DOCK3: variants seen among roughly 807,000 people sequenced by gnomAD.
DOCK3 encodes dedicator of cytokinesis 3, also known as dedicator of cytokinesis protein 3.
DOCK3 carries 60 observed loss-of-function variants against 265.6 expected under a neutral mutation model. The ratio of observed to expected loss-of-function variants is 0.23; its 90% CI spans 0.18 to 0.28. The LOEUF is 0.28. DOCK3 is among the 10% of genes least tolerant of loss of function. The pLI is 1.00. For synonymous variants in DOCK3, 881 were observed against 938.0 expected, an observed-to-expected ratio of 0.94 and a Z score of 1.11; for missense variants, 1,981 against 2,594.3, an observed-to-expected ratio of 0.76 and a Z score of 5.14.
chr3:51,380,951 T>G, intron 52 of DOCK3, 99 bp from the exon 53 acceptor site: 1 of 1,428,334 alleles, frequency 7.0e-7, no homozygotes, highest in Non-Finnish European at 9.4e-7. Context: ...TTGATGAGGG[T>G]TAAAGTTCAT....
intron 13 of DOCK3, 119 bp downstream of exon 13, chr3:51,208,981 C>A: frequency 2.4e-6 from 2 of 822,314 alleles, no homozygotes; most frequent in Non-Finnish European, 3.7e-6. Context: ...TATTCTCCTG[C>A]CGAGGCATTT....
chr3:50,850,334 TG>T (rs2046300992), intron 3 of DOCK3, among the ~76,000 whole-genome samples: 2 of 149,532 alleles, frequency 1.3e-5, no homozygotes, highest in Admixed American at 6.9e-5. Context: ...CACTCCAGCC[TG>T]GGAGACAGAG....
chr3:50,760,133 T>C (rs2040436261), intron 1 of DOCK3, among the ~76,000 whole-genome samples: 1 of 152,160 alleles, frequency 6.6e-6, no homozygotes, highest in Non-Finnish European at 1.5e-5. Flanking sequence ...AGTTATAGCT[T>C]TTACTTTTAA....
chr3:50,836,967 C>T (rs900378337), intron 2 of DOCK3, among the ~76,000 whole-genome samples: 1 of 152,144 alleles, frequency 6.6e-6, no homozygotes, highest in African/African-American at 2.4e-5. Context: ...ATTCCAATTC[C>T]CAACAAGTTC....
chr3:51,336,019 A>T (rs1024315729), intron 35 of DOCK3, among the ~76,000 whole-genome samples: 3 of 152,152 alleles, frequency 2.0e-5, no homozygotes, highest in African/African-American at 7.2e-5. Context: ...AAAGAAAAGA[A>T]AAAGAAAATA....
At chr3:51,355,165 T>TAAG in intron 41 of DOCK3, 142 bp downstream of exon 41, 1 of 1,226,902 alleles carries the variant, frequency 8.2e-7, no homozygotes, top group Non-Finnish European at 1.1e-6. Flanking sequence ...TCCTCATTGC[T>TAAG]TAGCACACAC....
intron 9 of DOCK3, among the ~76,000 whole-genome samples, chr3:51,129,111 G>T (rs191303779): frequency 1.3e-5 from 2 of 152,266 alleles, no homozygotes; most frequent in Non-Finnish European, 2.9e-5. Context: ...TGACCATCCA[G>T]CCAAACCATT....
At chr3:51,377,727 C>T (rs1159606674) in intron 51 of DOCK3, among the ~76,000 whole-genome samples, 1 of 152,248 alleles carries the variant, frequency 6.6e-6, no homozygotes, top group African/African-American at 2.4e-5. Flanking sequence ...TATGGAGTCA[C>T]TCAGGCAGGC....
chr3:50,674,959 G>C lies in DOCK3; in HGVS notation c.-305G>C, dbSNP rs1252970823. The C allele has an allele frequency of 6.7e-6, 1 of 148,722 alleles. No homozygotes were observed. The highest frequency in any genetic ancestry group is 6.7e-5 in the Admixed American group (1 of 14,928). The allele number at this position is 148,722 out of a possible 1,614,324, so 9.2% of individuals were successfully genotyped here. A position where few individuals can be genotyped will look rare whatever the true frequency, so the allele number is the denominator to read the frequency against. On this transcript the variant is annotated 5_prime_UTR_variant, in exon 1 of 53. Transcript: ENST00000266037. The surrounding 1 kb of genome is among the most constrained non-coding windows in gnomAD (Gnocchi z 4.3). ...CTGGGGCGAGCCGAGCCGCGGCGGC[G>C]CCGGGAGCCGGGCGGCGGAGCTGTG...
intron 22 of DOCK3, among the ~76,000 whole-genome samples, chr3:51,249,311 C>G (rs561939644): frequency 5.0e-5 from 7 of 140,906 alleles, no homozygotes; most frequent in African/African-American, 1.9e-4. Flanking sequence ...CCAGCCGCCC[C>G]GTCCGGGAGG....
intron 9 of DOCK3, among the ~76,000 whole-genome samples, chr3:51,135,405 G>A (rs2084748434): frequency 6.6e-6 from 1 of 152,154 alleles, no homozygotes; most frequent in Non-Finnish European, 1.5e-5. Context: ...AAACACTTAG[G>A]GGATCATGCT....
chr3:51,146,706 G>C, intron 10 of DOCK3, 76 bp downstream of exon 10: 4 of 1,358,108 alleles, frequency 2.9e-6, no homozygotes, highest in Non-Finnish European at 4.1e-6. Context: ...TGTCACCCTG[G>C]AAACAAGCAT....
intron 32 of DOCK3, among the ~76,000 whole-genome samples, chr3:51,321,201 G>C (rs2083702059): frequency 6.6e-6 from 1 of 152,170 alleles, no homozygotes; most frequent in Admixed American, 6.5e-5. Context: ...TGGAGTGGAT[G>C]TCAGCAAACT....
At chr3:51,363,671 G>A (rs923996407) in intron 49 of DOCK3, among the ~76,000 whole-genome samples, 4 of 152,122 alleles carry the variant, frequency 2.6e-5, no homozygotes, top group Admixed American at 2.6e-4. Context: ...AGTGTGTGAT[G>A]TTCCCCACCC....
At chr3:51,281,830 G>C (rs2081134762) in intron 27 of DOCK3, among the ~76,000 whole-genome samples, 1 of 152,118 alleles carries the variant, frequency 6.6e-6, no homozygotes, top group Non-Finnish European at 1.5e-5. Flanking sequence ...TGTGTCTGGA[G>C]GACTTGGACT....
intron 51 of DOCK3, among the ~76,000 whole-genome samples, chr3:51,378,057 G>C (rs984626779): frequency 7.9e-5 from 12 of 152,210 alleles, no homozygotes; most frequent in African/African-American, 2.9e-4. Context: ...GAGTGGGCCT[G>C]TTCTTGGGAT....
intron 14 of DOCK3, among the ~76,000 whole-genome samples, chr3:51,214,789 C>T (rs1401403686): frequency 6.6e-6 from 1 of 152,166 alleles, no homozygotes. Flanking sequence ...GGAATTGTAT[C>T]ACCCATTTCA....
intron 1 of DOCK3, among the ~76,000 whole-genome samples, chr3:50,695,039 T>C (rs1353961007): frequency 1.3e-5 from 2 of 152,240 alleles, no homozygotes; most frequent in African/African-American, 4.8e-5. Context: ...GGTTTTTATT[T>C]GCCTTTGATA....
At chr3:50,710,403 A>G (rs1459000141) in intron 1 of DOCK3, among the ~76,000 whole-genome samples, 2 of 152,238 alleles carry the variant, frequency 1.3e-5, no homozygotes, top group Non-Finnish European at 2.9e-5. Flanking sequence ...GCCAACAAAC[A>G]TATGGAGAAA....
Sources: gnomAD v4.1 joint callset for allele counts (sites outside exome capture counted in the v4.1 genomes callset) on GRCh38, gnomAD v4.1.1 for gene constraint, Gnocchi (gnomAD v3.1) non-coding constraint, MANE v1.5 for transcripts, NCBI Gene and HGNC (gene_info 2026-07-23, HGNC 2026-07-21) for gene names.